Variants in BLOC1S5 observed in about 807,000 individuals in gnomAD.
BLOC1S5 encodes the protein biogenesis of lysosome-related organelles complex 1 subunit 5.
Under a neutral mutation model 24.3 loss-of-function variants are expected in BLOC1S5, and 27 were observed. The ratio of observed to expected loss-of-function variants is 1.11; its 90% CI spans 0.82 to 1.53. BLOC1S5 has a LOEUF of 1.53. Ranked by LOEUF, BLOC1S5 falls within the 40% of genes most tolerant of loss-of-function variation. The pLI is 0.00. For synonymous variants in BLOC1S5, 84 were observed against 74.5 expected, an observed-to-expected ratio of 1.13 and a Z score of -0.66; for missense variants, 239 against 229.4, an observed-to-expected ratio of 1.04 and a Z score of -0.27.
At chr6:8,045,662 C>A (rs924096489) in intron 2 of BLOC1S5, among the ~76,000 whole-genome samples, 2 of 152,216 alleles carry the variant, frequency 1.3e-5, no homozygotes, top group African/African-American at 4.8e-5. Context: ...TCAGTGTGGC[C>A]TGAATGTGAG....
At chr6:8,030,255 G>A (rs560850764) in intron 3 of BLOC1S5, among the ~76,000 whole-genome samples, 4 of 152,136 alleles carry the variant, frequency 2.6e-5, no homozygotes, top group South Asian at 2.1e-4. Context: ...TGCCTCCTGG[G>A]TTCAAGCGAT....
intron 3 of BLOC1S5, among the ~76,000 whole-genome samples, chr6:8,032,358 A>C (rs1335667431): frequency 6.6e-6 from 1 of 152,214 alleles, no homozygotes; most frequent in Admixed American, 6.5e-5. Context: ...CATATGAAAA[A>C]TGCTCAATAT....
chr6:8,060,599 G>A (rs1236280372), intron 2 of BLOC1S5, among the ~76,000 whole-genome samples: 1 of 152,120 alleles, frequency 6.6e-6, no homozygotes, highest in Non-Finnish European at 1.5e-5. Context: ...GTTGGGATAG[G>A]GGTAGTGGCA....
chr6:8,032,451 T>A (rs955951812), intron 3 of BLOC1S5, among the ~76,000 whole-genome samples: 14 of 151,546 alleles, frequency 9.2e-5, no homozygotes, highest in East Asian at 7.7e-4. Context: ...TTAAAAAATT[T>A]AAAAAAAAAT....
chr6:8,052,688 C>T (rs1177015625), intron 2 of BLOC1S5, among the ~76,000 whole-genome samples: 3 of 151,910 alleles, frequency 2.0e-5, no homozygotes, highest in African/African-American at 4.8e-5. Flanking sequence ...GTCAGGAGAT[C>T]GAGATCATCC....
rs115168283 is a variant in BLOC1S5, at chr6:8,049,609, A to G, written c.196-8341T>C. On this transcript the variant is annotated intron_variant, in intron 2 of 4. Coordinates refer to ENST00000397457, the MANE Select transcript of BLOC1S5 (RefSeq NM_201280.3). ...CTATCCTTTGCACCCTATCTCCTCC[A>G]TAGCTTTCCCTTTAGGTAATTATTA... is the stretch of plus-strand genomic sequence containing the variant. Among the ~76,000 whole-genome samples the G allele has an allele frequency of 9.5e-3, 1,450 of 152,264 alleles. 25 individuals are homozygous for G. The highest frequency in any genetic ancestry group is 0.033 in the African/African-American group (1,381 of 41,544).
At chr6:8,050,921 G>C (rs190222108) in intron 2 of BLOC1S5, among the ~76,000 whole-genome samples, 11 of 151,892 alleles carry the variant, frequency 7.2e-5, no homozygotes, top group African/African-American at 2.7e-4. Context: ...GAAGATTCTT[G>C]AAGGAAATTA....
At chr6:8,062,869 AAACTCT>A (rs1422401550) in intron 1 of BLOC1S5, among the ~76,000 whole-genome samples, 1 of 152,206 alleles carries the variant, frequency 6.6e-6, no homozygotes, top group Non-Finnish European at 1.5e-5. Context: ...GTACCCTGGA[AAACTCT>A]TGCACAAATG....
At position 8,030,865 on chromosome 6, in the gene BLOC1S5, C is replaced by CAAAAAAAAAAAAAAAAA. The variant is rs55692261; in HGVS notation, c.326-4441_326-4440insTTTTTTTTTTTTTTTTT. On this transcript the variant is annotated intron_variant, in intron 3 of 4. Coordinates refer to ENST00000397457, the MANE Select transcript of BLOC1S5 (RefSeq NM_201280.3). ...CCAGCCTGAGCAACAGACCAACAGT[C>CAAAAAAAAAAAAAAAAA]AAAAAAAAAAAATCACATGATCATC... is the stretch of plus-strand genomic sequence containing the variant. Among the ~76,000 whole-genome samples, 23 of 118,526 alleles carry CAAAAAAAAAAAAAAAAA rather than the reference C, an allele frequency of 1.9e-4. 1 individual carries two copies. The highest frequency in any genetic ancestry group is 1.0e-3 in the South Asian group (3 of 2,952). The allele number at this position is 118,526 out of a possible 152,430, so 77.8% of individuals were successfully genotyped here. A position where few individuals can be genotyped will look rare whatever the true frequency, so the allele number is the denominator to read the frequency against.
chr6:8,016,027 C>T (rs1158053263), intron 4 of BLOC1S5, among the ~76,000 whole-genome samples, 199 bp from the exon 5 acceptor site: 1 of 152,102 alleles, frequency 6.6e-6, no homozygotes, highest in Non-Finnish European at 1.5e-5. Flanking sequence ...ATTCTCATTT[C>T]TTAAATTTTA....
chr6:8,049,987 C>T (rs895204205), intron 2 of BLOC1S5, among the ~76,000 whole-genome samples: 3 of 152,162 alleles, frequency 2.0e-5, no homozygotes, highest in African/African-American at 4.8e-5. Context: ...GCTGGGATTA[C>T]AGGTGTGAGC....
intron 3 of BLOC1S5, among the ~76,000 whole-genome samples, chr6:8,031,229 C>T (rs111900163): frequency 0.024 from 3,651 of 152,200 alleles, 151 homozygotes; most frequent in African/African-American, 0.082. Flanking sequence ...CCTAAAAAAC[C>T]CTTAAGACTC....
In BLOC1S5 at chr6:8,021,164, A is replaced by C. The variant is rs192327656; in HGVS notation, c.384+5203T>G. Among the ~76,000 whole-genome samples, 7 of 152,250 alleles carry C rather than the reference A, an allele frequency of 4.6e-5. No homozygotes were observed. In the East Asian group the frequency reaches 9.6e-4, roughly 21 times the overall value. ...GCCAGTCAGAAAAGAGACAAATGTT[A>C]TATGAGTCTACTTACACGATGAACC... is the stretch of plus-strand genomic sequence containing the variant. On this transcript the variant is annotated intron_variant, in intron 4 of 4. Transcript: ENST00000397457.
In BLOC1S5 at chr6:8,064,351, G is replaced by A. The variant is rs112566299; in HGVS notation, c.26C>T (p.Pro9Leu). 1.6e-4 allele frequency: 263 copies of A among 1,611,980 alleles called. 3 individuals carry two copies. In the African/African-American group the frequency reaches 2.7e-3, roughly 17 times the overall value. Residue 9 changes from proline (P) to leucine (L), a missense_variant, in exon 1 of 5, where the codon CCT becomes CTT. By Grantham distance (98) the Pro-to-Leu change is moderately conservative. Transcript: ENST00000397457. ...GCCCGGGGCGGCCTCACAACCCACAGGGGTCTCTGTCCCTCCGCCACTCAT... is the reference window on the plus strand; with the variant it reads ...GCCCGGGGCGGCCTCACAACCCACAAGGGTCTCTGTCCCTCCGCCACTCAT... The part of the protein sequence containing the change: MSGGGTET[P>L]VGCEAAPGGG...
At position 8,015,620 on chromosome 6, in the gene BLOC1S5, T is replaced by G. The variant is rs375358737; in HGVS notation, c.*29A>C. The G allele has an allele frequency of 1.9e-4, 297 of 1,595,104 alleles. No homozygotes were observed. The highest frequency in any genetic ancestry group is 2.3e-4 in the Non-Finnish European group (271 of 1,169,282). On this transcript the variant is annotated 3_prime_UTR_variant, in exon 5 of 5. Coordinates refer to ENST00000397457, the MANE Select transcript of BLOC1S5 (RefSeq NM_201280.3). The stretch of plus-strand genomic sequence containing the variant: ...CAGGAGAGAGGTGAACATCTTCTCA[T>G]TAGTTTGTGATTGTTGTGGTTCAAG...
intron 1 of BLOC1S5, among the ~76,000 whole-genome samples, chr6:8,062,832 A>C (rs1361140695): frequency 6.6e-6 from 1 of 152,218 alleles, no homozygotes; most frequent in Non-Finnish European, 1.5e-5. Flanking sequence ...GCAGACATGT[A>C]TACCTAGCAT....
At position 8,032,827 on chromosome 6, in the gene BLOC1S5, G is replaced by A. The variant is rs570614125; in HGVS notation, c.326-6402C>T. Among the ~76,000 whole-genome samples, 5 of 152,142 alleles carry A rather than the reference G, an allele frequency of 3.3e-5. No individual in the cohort carries two copies. In the East Asian group the frequency reaches 7.7e-4, roughly 24 times the overall value. ...CAAAAATCACAAGCATTCCTATACA[G>A]CATTAACAGACAAACAGAGAGCCAA... On this transcript the variant is annotated intron_variant, in intron 3 of 4. Coordinates refer to ENST00000397457, the MANE Select transcript of BLOC1S5 (RefSeq NM_201280.3).
At chr6:8,026,902 C>T (rs1763126921) in intron 3 of BLOC1S5, among the ~76,000 whole-genome samples, 1 of 152,156 alleles carries the variant, frequency 6.6e-6, no homozygotes, top group Non-Finnish European at 1.5e-5. Flanking sequence ...TTACTAAGTG[C>T]CAAGATCTAT....
chr6:8,042,697 C>G (rs7764394), intron 2 of BLOC1S5, among the ~76,000 whole-genome samples: 5,934 of 152,230 alleles, frequency 0.039, 362 homozygotes, highest in African/African-American at 0.13. Context: ...TGTGGCCCAA[C>G]ACAATTCTTC....
Sources: gnomAD v4.1 joint callset for allele counts (sites outside exome capture counted in the v4.1 genomes callset) on GRCh38, gnomAD v4.1.1 for gene constraint, MANE v1.5 for transcripts, NCBI Gene and HGNC (gene_info 2026-07-23, HGNC 2026-07-21) for gene names.